The following SNCAIP variants were observed in gnomAD, a reference collection of about 807,000 sequenced individuals.
SNCAIP encodes synuclein alpha interacting protein, also known as synphilin-1.
SNCAIP carries 43 observed loss-of-function variants against 86.7 expected under a neutral mutation model. That is an observed-to-expected ratio of 0.50 (90% confidence interval 0.39 to 0.64). The LOEUF (loss-of-function observed/expected upper bound fraction) is 0.64. Among genes scored for constraint, SNCAIP ranks in the 30% least tolerant of loss-of-function variants. The probability of loss-of-function intolerance (pLI) is 0.00; values close to 1 mark genes in which losing one functional copy is unlikely to be tolerated. For missense variants in SNCAIP, 981 were observed against 1,103.1 expected (o/e 0.89, Z 1.57); for synonymous variants, 417 against 427.2 (o/e 0.98, Z 0.29).
rs118071289 is a variant in SNCAIP at position 122,370,909 on chromosome 5, G to A, written c.-46-20180G>A. 7.6e-4 allele frequency among the ~76,000 whole-genome samples: 116 copies of A among 152,254 alleles called. 1 individual carries two copies. In the East Asian group the frequency reaches 0.019, roughly 25 times the overall value. On this transcript the variant is annotated intron_variant, in intron 1 of 10. Coordinates refer to ENST00000261368, the MANE Select transcript of SNCAIP (RefSeq NM_005460.4). The stretch of plus-strand genomic sequence containing the variant: ...ACTATTTGTGGAAATTTGAGAAATA[G>A]CATCACTTAGACAATTTCTCAATTT...
At position 122,358,159 on chromosome 5, in the gene SNCAIP, TTGTGTGTGTGTGTGTGTG is replaced by T. The variant is rs36222259; in HGVS notation, c.-46-32902_-46-32885del. ...ATCAAAGAAAGAAAAATTTGTTTCT[TTGTGTGTGTGTGTGTGTG>T]TGTGTGTGTGTGTGTGTGTGTGTGT... On this transcript the variant is annotated intron_variant, in intron 1 of 10. Transcript: ENST00000261368. 7.5e-3 allele frequency among the ~76,000 whole-genome samples: 1,029 copies of T among 138,092 alleles called. 5 individuals are homozygous for T. The highest frequency in any genetic ancestry group is 8.2e-3 in the Non-Finnish European group (531 of 64,886). 90.6% of individuals were successfully genotyped at this position (138,092 alleles called of 152,430 possible).
chr5:122,366,369 A>T (rs1442290897), intron 1 of SNCAIP, among the ~76,000 whole-genome samples: 2 of 151,954 alleles, frequency 1.3e-5, no homozygotes, highest in African/African-American at 2.4e-5. Context: ...TGAGAAAGAG[A>T]GACAGAGAAA....
intron 1 of SNCAIP, among the ~76,000 whole-genome samples, chr5:122,351,963 A>G (rs369977059): frequency 1.3e-5 from 2 of 152,234 alleles, no homozygotes; most frequent in Non-Finnish European, 2.9e-5. Flanking sequence ...GAGGCAGGCC[A>G]CATCTGGTTC....
chr5:122,342,995 C>A (rs1233919240), intron 1 of SNCAIP, among the ~76,000 whole-genome samples: 1 of 152,172 alleles, frequency 6.6e-6, no homozygotes, highest in African/African-American at 2.4e-5. Context: ...TTCTTCCTTT[C>A]CTCTTAAATA....
chr5:122,329,113 C>T (rs1025268018), intron 1 of SNCAIP, among the ~76,000 whole-genome samples: 18 of 152,176 alleles, frequency 1.2e-4, no homozygotes, highest in African/African-American at 4.3e-4. Context: ...ATTTTCAATG[C>T]TTAGCTTCAT....
intron 6 of SNCAIP, among the ~76,000 whole-genome samples, chr5:122,433,648 T>C (rs1778844061): frequency 6.6e-6 from 1 of 152,230 alleles, no homozygotes; most frequent in Non-Finnish European, 1.5e-5. Flanking sequence ...TGAAATATTA[T>C]ACTTACTCTG....
chr5:122,454,830 C>G lies in SNCAIP; in HGVS notation c.2754+3229C>G, dbSNP rs574159255. Reference sequence around the variant, plus strand: ...TTAGTATCACAGTAGATTCTCCTGCCAGAAACATTTCATTCTGTCTTTTTA... The same window carrying G: ...TTAGTATCACAGTAGATTCTCCTGCGAGAAACATTTCATTCTGTCTTTTTA... On this transcript the variant is annotated intron_variant, in intron 10 of 10. Transcript: ENST00000261368. Among the ~76,000 whole-genome samples, 141 of 152,284 alleles carry G rather than the reference C, an allele frequency of 9.3e-4. 1 individual carries two copies. The highest frequency in any genetic ancestry group is 4.9e-4 in the Non-Finnish European group (33 of 68,016).
rs769478057 is a variant in SNCAIP, at chr5:122,451,391, C to T, written c.2544C>T (p.Ser848=). 1.9e-6 allele frequency: 3 copies of T among 1,614,126 alleles called. No homozygotes were observed. The South Asian group carries it at 3.3e-5, about 18-fold the overall frequency. The part of the protein sequence containing the change: ...KDKGRTLQRT[S]TSNESGDQLK... ...AGGGCAGGACTCTCCAGCGGACCTC[C>T]ACAAGTAACGAATCGGGGGATCAAC... Residue 848 remains serine, a synonymous_variant, in exon 10 of 11, where the codon TCC becomes TCT. Transcript: ENST00000261368.
At chr5:122,378,289 A>T (rs1397439573) in intron 1 of SNCAIP, among the ~76,000 whole-genome samples, 1 of 142,406 alleles carries the variant, frequency 7.0e-6, no homozygotes, top group African/African-American at 2.7e-5. Context: ...TCTGATGGCC[A>T]GTGATGATGA....
rs76458655 is a variant in SNCAIP at position 122,337,427 on chromosome 5, G to T, written c.-47+25143G>T. 5.9e-5 allele frequency among the ~76,000 whole-genome samples: 9 copies of T among 152,166 alleles called. No individual in the cohort carries two copies. In the East Asian group the frequency reaches 1.7e-3, roughly 29 times the overall value. ...GCCTGAATGATGTGTCTCTTTTACCGAGAGAAATAGTTACCTGATTCCCCA... is the reference window on the plus strand; with the variant it reads ...GCCTGAATGATGTGTCTCTTTTACCTAGAGAAATAGTTACCTGATTCCCCA... On this transcript the variant is annotated intron_variant, in intron 1 of 10. Coordinates refer to ENST00000261368, the MANE Select transcript of SNCAIP (RefSeq NM_005460.4).
intron 1 of SNCAIP, among the ~76,000 whole-genome samples, chr5:122,358,541 G>T (rs1761580011): frequency 6.6e-6 from 1 of 151,678 alleles, no homozygotes; most frequent in African/African-American, 2.4e-5. Context: ...ATTTTTCCTG[G>T]TCTCCTTTTA....
At chr5:122,334,705 G>C (rs929709979) in intron 1 of SNCAIP, among the ~76,000 whole-genome samples, 1 of 152,170 alleles carries the variant, frequency 6.6e-6, no homozygotes, top group African/African-American at 2.4e-5. Flanking sequence ...TTTTTTTAAA[G>C]ACCATTCTAC....
At chr5:122,358,763 A>G (rs1005690382) in intron 1 of SNCAIP, among the ~76,000 whole-genome samples, 3 of 152,140 alleles carry the variant, frequency 2.0e-5, no homozygotes, top group Non-Finnish European at 2.9e-5. Context: ...ACCCTATATC[A>G]TACCGGATTG....
At chr5:122,395,196 A>G (rs1173409791) in intron 2 of SNCAIP, among the ~76,000 whole-genome samples, 1 of 152,190 alleles carries the variant, frequency 6.6e-6, no homozygotes, top group Non-Finnish European at 1.5e-5. Flanking sequence ...GTACCTCAAC[A>G]TTCCCATCCG....
At chr5:122,319,066 A>G (rs576803520) in intron 1 of SNCAIP, among the ~76,000 whole-genome samples, 5 of 151,186 alleles carry the variant, frequency 3.3e-5, no homozygotes, top group African/African-American at 1.2e-4. Flanking sequence ...GCGACTGCCA[A>G]GTGGCCAGAC....
intron 1 of SNCAIP, among the ~76,000 whole-genome samples, chr5:122,340,670 A>G (rs949832242): frequency 1.3e-5 from 2 of 152,228 alleles, no homozygotes; most frequent in African/African-American, 4.8e-5. Context: ...GACATTGCAT[A>G]CTATCCTATT....
In SNCAIP at chr5:122,444,670, G is replaced by A; in HGVS notation, c.1530G>A (p.Val510=). Residue 510 remains valine (V), a synonymous_variant, in exon 8 of 11, where the codon GTG becomes GTA. Coordinates refer to ENST00000261368, the MANE Select transcript of SNCAIP (RefSeq NM_005460.4). ...ACACCCTGTGCTCCAGGTACCTGGTGGTGGTGGAGACCTGCATGTCGCTGG... is the reference window on the plus strand; with the variant it reads ...ACACCCTGTGCTCCAGGTACCTGGTAGTGGTGGAGACCTGCATGTCGCTGG... ...QGHTLCSRYL[V]VVETCMSLAS... is the part of the protein sequence containing the mutation. 6.2e-7 allele frequency: 1 copy of A among 1,614,020 alleles called. No individual in the cohort carries two copies. The highest frequency in any genetic ancestry group is 8.5e-7 in the Non-Finnish European group (1 of 1,179,918).
intron 3 of SNCAIP, among the ~76,000 whole-genome samples, chr5:122,415,469 C>G (rs1247010343): frequency 1.3e-5 from 2 of 152,044 alleles, no homozygotes; most frequent in Non-Finnish European, 2.9e-5. Context: ...AAAGACATAC[C>G]CCATTTTCTT....
intron 3 of SNCAIP, among the ~76,000 whole-genome samples, chr5:122,406,051 T>C (rs1025603526): frequency 1.3e-5 from 2 of 152,130 alleles, no homozygotes; most frequent in African/African-American, 4.8e-5. Context: ...TGATGGACCA[T>C]TTGGAGGCTG....
Sources: allele counts gnomAD v4.1 joint callset (sites outside exome capture counted in the v4.1 genomes callset), GRCh38; gene constraint gnomAD v4.1.1; transcripts MANE v1.5; gene names NCBI Gene and HGNC (gene_info 2026-07-23, HGNC 2026-07-21).